The following TMEM108 variants were observed in gnomAD, a reference collection of about 807,000 sequenced individuals.
The protein encoded by TMEM108 is cancer/testis antigen 124.
TMEM108 carries 12 observed loss-of-function variants against 35.1 expected under a neutral mutation model. That is an observed-to-expected ratio of 0.34 (90% CI 0.22 to 0.55). The LOEUF is 0.55. Among genes scored for constraint, TMEM108 ranks in the 20% least tolerant of loss-of-function variants. The probability of loss-of-function intolerance (pLI) is 0.89; values close to 1 mark genes in which losing one functional copy is unlikely to be tolerated. For synonymous variants in TMEM108, 287 were observed against 308.6 expected, an observed-to-expected ratio of 0.93 and a Z score of 0.73; for missense variants, 680 against 753.3, an observed-to-expected ratio of 0.90 and a Z score of 1.14.
intron 3 of TMEM108, among the ~76,000 whole-genome samples, chr3:133,282,293 A>G (rs1043160328): frequency 1.3e-5 from 2 of 152,212 alleles, no homozygotes; most frequent in Admixed American, 1.3e-4. Context: ...CTTTGAGGTA[A>G]GAGAGTAATT....
intron 3 of TMEM108, among the ~76,000 whole-genome samples, chr3:133,241,155 C>T (rs1199116917): frequency 1.3e-5 from 2 of 152,192 alleles, no homozygotes; most frequent in African/African-American, 4.8e-5. Context: ...TTTTTTCCAG[C>T]AGTTTCATAT....
At chr3:133,176,639 A>G (rs1169288604) in intron 2 of TMEM108, among the ~76,000 whole-genome samples, 1 of 152,196 alleles carries the variant, frequency 6.6e-6, no homozygotes, top group Non-Finnish European at 1.5e-5. Context: ...GACACAACAT[A>G]CCAGAATCTC....
intron 5 of TMEM108, among the ~76,000 whole-genome samples, chr3:133,392,989 T>G (rs139417115): frequency 1.8e-4 from 28 of 152,328 alleles, no homozygotes; most frequent in African/African-American, 6.5e-4. Flanking sequence ...ACATTTTGAA[T>G]AAAATCCAGA....
chr3:133,282,871 G>A (rs1293190974), intron 3 of TMEM108, among the ~76,000 whole-genome samples: 6 of 152,150 alleles, frequency 3.9e-5, no homozygotes, highest in African/African-American at 1.4e-4. Context: ...GACTACTAAG[G>A]AGCAGTTAAA....
At chr3:133,112,463 A>G (rs996722059) in intron 2 of TMEM108, among the ~76,000 whole-genome samples, 1 of 152,198 alleles carries the variant, frequency 6.6e-6, no homozygotes. Context: ...GGTCTCAGTT[A>G]TGCCAACTTC....
intron 2 of TMEM108, among the ~76,000 whole-genome samples, chr3:133,162,141 A>G (rs1944969611): frequency 6.6e-6 from 1 of 150,776 alleles, no homozygotes; most frequent in Non-Finnish European, 1.5e-5. Context: ...GGAGCATTGA[A>G]TCCTAGACTT....
At chr3:133,144,654 C>T (rs567256552) in intron 2 of TMEM108, among the ~76,000 whole-genome samples, 20 of 152,160 alleles carry the variant, frequency 1.3e-4, no homozygotes, top group Admixed American at 9.2e-4. Context: ...TTTTAATGAT[C>T]GCCATTCTAA....
At chr3:133,269,694 A>T (rs531808576) in intron 3 of TMEM108, among the ~76,000 whole-genome samples, 5 of 152,290 alleles carry the variant, frequency 3.3e-5, no homozygotes, top group Admixed American at 3.3e-4. Context: ...CTCTCACATG[A>T]TATGAAGTTT....
chr3:133,312,942 A>G (rs1478415704), intron 3 of TMEM108, among the ~76,000 whole-genome samples: 2 of 152,194 alleles, frequency 1.3e-5, no homozygotes, highest in African/African-American at 4.8e-5. Context: ...CAACTTTACT[A>G]TATCTTTACT....
At chr3:133,178,947 TC>T (rs1354372988) in intron 2 of TMEM108, among the ~76,000 whole-genome samples, 1 of 151,840 alleles carries the variant, frequency 6.6e-6, no homozygotes, top group Non-Finnish European at 1.5e-5. Flanking sequence ...TACAAAGAAC[TC>T]AAACAAATTT....
chr3:133,255,607 G>A (rs1418798939), intron 3 of TMEM108, among the ~76,000 whole-genome samples: 1 of 152,204 alleles, frequency 6.6e-6, no homozygotes, highest in East Asian at 1.9e-4. Flanking sequence ...CAATGGGGGA[G>A]ACGTATTTGA....
rs1031203792 is a variant in TMEM108 at position 133,145,873 on chromosome 3, G to T, written c.-46-83393G>T. ...GCTTGAGGAGATTTTGGGCTGAGACGATGGGGTTTTCTAAATAGACAATCA... is the reference window on the plus strand; with the variant it reads ...GCTTGAGGAGATTTTGGGCTGAGACTATGGGGTTTTCTAAATAGACAATCA... On this transcript the variant is annotated intron_variant, in intron 2 of 5. Coordinates refer to ENST00000321871, the MANE Select transcript of TMEM108 (RefSeq NM_023943.4). 2.0e-5 allele frequency among the ~76,000 whole-genome samples: 3 copies of T among 152,188 alleles called. No individual in the cohort carries two copies. The South Asian group carries it at 6.2e-4, about 32-fold the overall frequency.
chr3:133,047,971 A>C (rs2107672887), intron 2 of TMEM108, among the ~76,000 whole-genome samples: 1 of 152,298 alleles, frequency 6.6e-6, no homozygotes, highest in East Asian at 1.9e-4. Flanking sequence ...TGGAGTTTGA[A>C]GAAGGGCGAA....
chr3:133,092,778 G>A (rs900444097), intron 2 of TMEM108, among the ~76,000 whole-genome samples: 1 of 152,070 alleles, frequency 6.6e-6, no homozygotes, highest in Non-Finnish European at 1.5e-5. Flanking sequence ...ATTGTATTCA[G>A]TGTTCCTTGA....
At chr3:133,190,402 A>G (rs971239166) in intron 2 of TMEM108, among the ~76,000 whole-genome samples, 1 of 152,230 alleles carries the variant, frequency 6.6e-6, no homozygotes, top group African/African-American at 2.4e-5. Flanking sequence ...TTTCAAGGGT[A>G]GAAGAATAAG....
intron 3 of TMEM108, among the ~76,000 whole-genome samples, chr3:133,351,840 G>A (rs903354017): frequency 6.6e-6 from 1 of 152,080 alleles, no homozygotes; most frequent in African/African-American, 2.4e-5. Context: ...TTCCTCTCAG[G>A]CTATGCAGCT....
intron 1 of TMEM108, among the ~76,000 whole-genome samples, chr3:133,040,433 G>T (rs1478564235): frequency 1.3e-5 from 2 of 151,852 alleles, no homozygotes; most frequent in African/African-American, 4.8e-5. Context: ...TTGAACTCCT[G>T]ACCTCGTGAT....
chr3:133,133,147 C>T (rs879567804), intron 2 of TMEM108, among the ~76,000 whole-genome samples: 12 of 116,478 alleles, frequency 1.0e-4, no homozygotes, highest in Non-Finnish European at 2.1e-4. Context: ...ATTACATAAA[C>T]TTAGTTGATG....
At chr3:133,260,325 C>T (rs1215523978) in intron 3 of TMEM108, among the ~76,000 whole-genome samples, 4 of 151,750 alleles carry the variant, frequency 2.6e-5, no homozygotes, top group African/African-American at 4.8e-5. Flanking sequence ...GCATGAGATC[C>T]CTACTAAGCA....
Sources: gnomAD v4.1 joint callset for allele counts (sites outside exome capture counted in the v4.1 genomes callset) on GRCh38, gnomAD v4.1.1 for gene constraint, MANE v1.5 for transcripts, NCBI Gene and HGNC (gene_info 2026-07-23, HGNC 2026-07-21) for gene names.